Variants in PPFIA2 observed in about 807,000 individuals in gnomAD.
The protein encoded by PPFIA2 is liprin-alpha-2.
In PPFIA2, 46 loss-of-function variants were observed where a neutral mutation model predicts 175.5. That is an observed-to-expected ratio of 0.26 (90% confidence interval 0.21 to 0.34). The LOEUF (loss-of-function observed/expected upper bound fraction) is 0.34. Among genes scored for constraint, PPFIA2 ranks in the 10% least tolerant of loss-of-function variants. The pLI is 1.00. For missense variants in PPFIA2, 1,179 were observed against 1,506.1 expected (o/e 0.78, Z 3.60); for synonymous variants, 568 against 511.4 (o/e 1.11, Z -1.49).
intron 4 of PPFIA2, among the ~76,000 whole-genome samples, chr12:81,589,728 C>T (rs867441201): frequency 2.0e-5 from 3 of 151,980 alleles, no homozygotes; most frequent in African/African-American, 4.8e-5. Flanking sequence ...TCCCTCTTTG[C>T]GTTATTAAAT....
At chr12:81,679,448 T>C (rs2073187296) in intron 3 of PPFIA2, among the ~76,000 whole-genome samples, 1 of 151,876 alleles carries the variant, frequency 6.6e-6, no homozygotes, top group Non-Finnish European at 1.5e-5. Flanking sequence ...TCATATTTTG[T>C]AAAGTTTGAT....
intron 4 of PPFIA2, among the ~76,000 whole-genome samples, chr12:81,537,498 C>T (rs73141616): frequency 6.6e-6 from 1 of 151,882 alleles, no homozygotes; most frequent in Non-Finnish European, 1.5e-5. Context: ...CATGCAATGC[C>T]AAATAAAAGA....
intron 3 of PPFIA2, among the ~76,000 whole-genome samples, chr12:81,701,915 TA>T (rs748051152): frequency 4.3e-3 from 362 of 84,188 alleles, no homozygotes; most frequent in South Asian, 9.8e-3. Context: ...ATGGGAAGAC[TA>T]AAAAAAAAAA....
At chr12:81,407,985 T>C (rs995956072) in intron 7 of PPFIA2, among the ~76,000 whole-genome samples, 2 of 152,192 alleles carry the variant, frequency 1.3e-5, no homozygotes, top group South Asian at 4.1e-4. Flanking sequence ...CATTTTCATA[T>C]GAAGTAGCAC....
intron 8 of PPFIA2, among the ~76,000 whole-genome samples, chr12:81,390,023 T>G (rs552170433): frequency 4.6e-5 from 7 of 152,050 alleles, no homozygotes; most frequent in Admixed American, 4.6e-4. Context: ...TTCACAGAAG[T>G]GGAGTTGCTG....
chr12:81,726,581 C>T lies in PPFIA2; in HGVS notation c.249+27392G>A, dbSNP rs1325465705. ...TGTTCATAGTTGAGTTAGACACCAG[C>T]TTTGCTTCTGAGAAGTTTCTAATGT... On this transcript the variant is annotated intron_variant, in intron 3 of 32. Transcript: ENST00000549396. Among the ~76,000 whole-genome samples, 3 of 151,298 alleles carry T rather than the reference C, an allele frequency of 2.0e-5. No individual in the cohort carries two copies. The South Asian group carries it at 6.2e-4, about 31-fold the overall frequency.
At chr12:81,687,331 C>A (rs1454643191) in intron 3 of PPFIA2, 1 of 152,046 alleles carries the variant, frequency 6.6e-6, no homozygotes, top group South Asian at 2.1e-4. Context: ...CATAATGAAT[C>A]CTGCACTTCC....
chr12:81,300,417 A>T (rs1243425849), intron 22 of PPFIA2, among the ~76,000 whole-genome samples: 1 of 152,182 alleles, frequency 6.6e-6, no homozygotes, highest in Non-Finnish European at 1.5e-5. Flanking sequence ...ATTATTTTCT[A>T]CTATTAATCA....
chr12:81,404,849 T>C (rs1281925820), intron 8 of PPFIA2, among the ~76,000 whole-genome samples: 1 of 152,242 alleles, frequency 6.6e-6, no homozygotes, highest in Non-Finnish European at 1.5e-5. Context: ...TGCTATTTAT[T>C]GTATTGTCCA....
chr12:81,321,918 C>T (rs55902244), intron 22 of PPFIA2, among the ~76,000 whole-genome samples: 54,547 of 152,040 alleles, frequency 0.36, 10,677 homozygotes, highest in East Asian at 0.54. Flanking sequence ...CACTGTAACC[C>T]CGAATTCATA....
intron 3 of PPFIA2, among the ~76,000 whole-genome samples, chr12:81,745,913 T>A (rs917769520): frequency 2.0e-5 from 3 of 152,232 alleles, no homozygotes; most frequent in Non-Finnish European, 4.4e-5. Context: ...TCATTTCTCA[T>A]ACATGGAGTG....
chr12:81,512,155 G>C, intron 4 of PPFIA2: 1 of 345,646 alleles, frequency 2.9e-6, no homozygotes, highest in Non-Finnish European at 5.2e-6. Flanking sequence ...GTCAATGTCA[G>C]CATGTTAGCT....
chr12:81,418,749 T>C (rs1410664875), intron 7 of PPFIA2, among the ~76,000 whole-genome samples: 1 of 151,972 alleles, frequency 6.6e-6, no homozygotes, highest in African/African-American at 2.4e-5. Flanking sequence ...GTCAGAACTA[T>C]AACTAAAATT....
At chr12:81,415,212 TATATATATATATATA>T (rs1333115820) in intron 7 of PPFIA2, among the ~76,000 whole-genome samples, 16 of 14,618 alleles carry the variant, frequency 1.1e-3, no homozygotes, top group African/African-American at 3.3e-3. Context: ...AAAAAAAAAA[TATATATATATATATA>T]TATATATATA....
intron 4 of PPFIA2, among the ~76,000 whole-genome samples, chr12:81,629,601 T>C (rs958375395): frequency 2.6e-5 from 4 of 152,028 alleles, no homozygotes; most frequent in African/African-American, 9.7e-5. Context: ...GCTTGGAAAA[T>C]AGAAACAAGG....
intron 3 of PPFIA2, among the ~76,000 whole-genome samples, chr12:81,746,439 A>C (rs2083076790): frequency 1.4e-5 from 2 of 143,922 alleles, no homozygotes; most frequent in Non-Finnish European, 3.1e-5. Context: ...CATTCTGAAC[A>C]GGGAGTTAGA....
chr12:81,493,787 T>TATATATATATAGACAC (rs1491517743), intron 4 of PPFIA2, among the ~76,000 whole-genome samples: 27 of 128,356 alleles, frequency 2.1e-4, no homozygotes, highest in African/African-American at 8.0e-4. Context: ...TATATATATA[T>TATATATATATAGACAC]ACACATTGGA....
At chr12:81,654,763 T>C (rs1292967406) in intron 4 of PPFIA2, among the ~76,000 whole-genome samples, 2 of 152,128 alleles carry the variant, frequency 1.3e-5, no homozygotes, top group African/African-American at 2.4e-5. Flanking sequence ...GAAACTGAGA[T>C]TGTTATTTTA....
At chr12:81,646,615 T>C (rs1289204704) in intron 4 of PPFIA2, among the ~76,000 whole-genome samples, 2 of 152,192 alleles carry the variant, frequency 1.3e-5, no homozygotes, top group Non-Finnish European at 2.9e-5. Flanking sequence ...CCCTCTGACA[T>C]TGCAATACTC....
Sources: gnomAD v4.1 joint callset for allele counts (sites outside exome capture counted in the v4.1 genomes callset) on GRCh38, gnomAD v4.1.1 for gene constraint, MANE v1.5 for transcripts, NCBI Gene and HGNC (gene_info 2026-07-23, HGNC 2026-07-21) for gene names.